The following HAGH variants were observed in gnomAD, a reference collection of about 807,000 sequenced individuals.
The protein encoded by HAGH is hydroxyacylglutathione hydrolase, mitochondrial.
A neutral mutation model predicts 35.1 loss-of-function variants in HAGH; 29 were observed. The ratio of observed to expected loss-of-function variants is 0.83; its 90% CI spans 0.62 to 1.13. The LOEUF is 1.13. Ranked by LOEUF, HAGH falls within the 50% of genes most tolerant of loss-of-function variation. The pLI is 0.00. For missense variants in HAGH, 478 were observed against 419.6 expected, an observed-to-expected ratio of 1.14 and a Z score of -1.22; for synonymous variants, 225 against 176.1, an observed-to-expected ratio of 1.28 and a Z score of -2.20.
chr16:1,825,697 C>T (rs996596194), intron 1 of HAGH, among the ~76,000 whole-genome samples: 2 of 152,172 alleles, frequency 1.3e-5, no homozygotes, highest in Admixed American at 1.3e-4. Context: ...CCTCAGCCTC[C>T]AAAGTGACTG....
At chr16:1,819,627 T>A (rs1346560826) in intron 4 of HAGH, among the ~76,000 whole-genome samples, 1 of 152,198 alleles carries the variant, frequency 6.6e-6, no homozygotes, top group Non-Finnish European at 1.5e-5. Context: ...CCCTCCCACC[T>A]GTGTGCTGTG....
chr16:1,809,546 C>T lies in HAGH; in HGVS notation c.828-164G>A, dbSNP rs1897541586. On this transcript the variant is annotated intron_variant, in intron 8 of 8. Transcript: ENST00000397356. Reference sequence around the variant, plus strand: ...TCCCCTTCTGACAGGTTCTGAACTCCAGGGTCCAGAAGGACTCACACCCCG... The same window carrying T: ...TCCCCTTCTGACAGGTTCTGAACTCTAGGGTCCAGAAGGACTCACACCCCG... 1.0e-5 allele frequency: 7 copies of T among 672,666 alleles called. No homozygotes were observed. The East Asian group carries it at 1.9e-4, about 18-fold the overall frequency. The allele number at this position is 672,666 out of a possible 1,614,324, so 41.7% of individuals were successfully genotyped here.
chr16:1,818,988 C>A (rs1438732559), intron 5 of HAGH, 127 bp downstream of exon 5: 5 of 651,806 alleles, frequency 7.7e-6, no homozygotes, highest in Non-Finnish European at 1.1e-5. Flanking sequence ...CTCCCCAGCA[C>A]CCACCCCTGG....
In HAGH at chr16:1,809,828, C is replaced by T. The variant is rs1187179555; in HGVS notation, c.753G>A (p.Lys251=). The part of the protein sequence containing the change: ...IREKLAWAKE[K]YSIGEPTVPS... Reference sequence around the variant, plus strand: ...GCACTGTGGGCTCCCCGATGCTGTACTTCTCCTGCAAGAGAAACGCACCAC... The same window carrying T: ...GCACTGTGGGCTCCCCGATGCTGTATTTCTCCTGCAAGAGAAACGCACCAC... The change falls in exon 8 of 9, where the codon AAG becomes AAA. Residue 251 remains lysine, a synonymous_variant. Transcript: ENST00000397356. 1.9e-6 allele frequency: 3 copies of T among 1,612,988 alleles called. No homozygotes were observed. The African/African-American group carries it at 4.0e-5, about 22-fold the overall frequency.
Position 1,819,293 on chromosome 16 carries a change from G to A in HAGH, c.433-70C>T, listed in dbSNP as rs1043946548. The A allele has an allele frequency of 1.6e-5, 15 of 965,930 alleles. 1 individual carries two copies. The highest frequency in any genetic ancestry group is 2.4e-4 in the Middle Eastern group (1 of 4,110). 59.8% of individuals were successfully genotyped at this position (965,930 alleles called of 1,614,324 possible). ...GAGCCATCTCCCGGGGTCACGGCGC[G>A]CCGCCTGGGCCCTACTGGGCCTCCT... On this transcript the variant is annotated intron_variant, in intron 4 of 8. Transcript: ENST00000397356.
chr16:1,819,091 C>T (rs1438685631), intron 5 of HAGH, 24 bp downstream of exon 5: 1 of 1,450,586 alleles, frequency 6.9e-7, no homozygotes, highest in South Asian at 1.1e-5. Context: ...GAACCCCCGC[C>T]CCCACCCACA....
At chr16:1,816,754 G>A in intron 7 of HAGH, 139 bp downstream of exon 7, 2 of 649,352 alleles carry the variant, frequency 3.1e-6, no homozygotes, top group Admixed American at 2.3e-5. Context: ...TGCAGGGCGA[G>A]CTGGGCCACA....
rs551962398 is a variant in HAGH at position 1,816,797 on chromosome 16, C to T, written c.747+96G>A. ...GAATCCCAGGCCTGCTCTCTGGGCT[C>T]AGAGTGTGAGTGTCTACCCACTCTG... On this transcript the variant is annotated intron_variant, in intron 7 of 8. Coordinates refer to ENST00000397356, the MANE Select transcript of HAGH (RefSeq NM_005326.6). 33 of 763,084 alleles carry T rather than the reference C, an allele frequency of 4.3e-5. 1 individual carries two copies. In the South Asian group the frequency reaches 4.7e-4, roughly 11 times the overall value. 47.3% of individuals were successfully genotyped at this position (763,084 alleles called of 1,614,324 possible). A position where few individuals can be genotyped will look rare whatever the true frequency, so the allele number is the denominator to read the frequency against.
intron 4 of HAGH, 56 bp downstream of exon 4, chr16:1,819,841 C>A (rs1898067356): frequency 9.3e-7 from 1 of 1,077,484 alleles, no homozygotes; most frequent in Non-Finnish European, 1.4e-6. Flanking sequence ...AGGGACCCCC[C>A]TCCCCCACGC....
chr16:1,811,328 C>T (rs184926684), intron 7 of HAGH, among the ~76,000 whole-genome samples: 5 of 152,278 alleles, frequency 3.3e-5, no homozygotes, highest in African/African-American at 1.2e-4. Flanking sequence ...GCAGGAGAAT[C>T]ACTTGAACCC....
chr16:1,813,922 AG>A (rs1466396726), intron 7 of HAGH, among the ~76,000 whole-genome samples: 2 of 152,308 alleles, frequency 1.3e-5, no homozygotes, highest in East Asian at 3.9e-4. Flanking sequence ...CTTTTCAGAA[AG>A]GTGCCAAGGC....
At chr16:1,814,635 CA>C (rs1166669061) in intron 7 of HAGH, among the ~76,000 whole-genome samples, 1 of 151,996 alleles carries the variant, frequency 6.6e-6, no homozygotes, top group African/African-American at 2.4e-5. Flanking sequence ...CGTGGTGGGT[CA>C]CGCCTGTAAT....
chr16:1,821,415 G>A (rs1404363272), intron 3 of HAGH: 1 of 152,290 alleles, frequency 6.6e-6, no homozygotes, highest in Non-Finnish European at 1.5e-5. Context: ...CCCTAGGGCA[G>A]TGCCAGACGG....
upstream of HAGH, chr16:1,827,169 T>A (rs757654537): frequency 3.6e-5 from 56 of 1,541,068 alleles, no homozygotes; most frequent in Non-Finnish European, 4.8e-5. Flanking sequence ...CAGTTGGTCC[T>A]CTCCGGGATG....
In HAGH at chr16:1,809,330, G is replaced by A. The variant is rs749337193; in HGVS notation, c.880C>T (p.Arg294Trp). Residue 294 changes from arginine to tryptophan, a missense_variant, in exon 9 of 9, where the codon CGG becomes TGG. Arg to Trp is a moderately radical substitution (Grantham distance 101). Transcript: ENST00000397356. ...AGETDPVTTM[R>W]AVRREKDQFK... ...TGGTCCTTCTCCCTGCGCACGGCCC[G>A]CATGGTGGTCACCGGGTCCGTCTCA... 1.9e-5 allele frequency: 31 copies of A among 1,613,452 alleles called. No individual in the cohort carries two copies. Among genetic ancestry groups the A allele is most frequent in the African/African-American group, 8.0e-5 (6 of 74,920 alleles).
rs71145496 is a variant in HAGH, at chr16:1,823,744, TAAAAAAAAAAA to T, written c.77-718_77-708del. On this transcript the variant is annotated intron_variant, in intron 1 of 8. Transcript: ENST00000397356. ...GGTGACAAGACAATAACCTGTTCCTTAAAAAAAAAAAAAAAAAAAAAAAAAAAAAGGAATAT... is the reference window on the plus strand; with the variant it reads ...GGTGACAAGACAATAACCTGTTCCTTAAAAAAAAAAAAAAAAAAGGAATAT... Among the ~76,000 whole-genome samples, 32 of 55,918 alleles carry T rather than the reference TAAAAAAAAAAA, an allele frequency of 5.7e-4. 1 individual carries two copies. In the South Asian group the frequency reaches 7.0e-3, roughly 12 times the overall value. The allele number at this position is 55,918 out of a possible 152,430, so 36.7% of individuals were successfully genotyped here.
chr16:1,812,010 G>C (rs12929489), intron 7 of HAGH, among the ~76,000 whole-genome samples: 103,546 of 151,542 alleles, frequency 0.68, 36,216 homozygotes, highest in Middle Eastern at 0.8. Context: ...AGGCAACATC[G>C]TGTAAACCCC....
At chr16:1,817,970 T>C (rs752581031) in intron 5 of HAGH, among the ~76,000 whole-genome samples, 6 of 152,186 alleles carry the variant, frequency 3.9e-5, no homozygotes, top group Admixed American at 1.3e-4. Context: ...CAGAGAAGCA[T>C]GCAGCGGTGC....
At chr16:1,822,214 G>C (rs932513149) in intron 3 of HAGH, 86 bp downstream of exon 3, 164 of 819,616 alleles carry the variant, frequency 2.0e-4, no homozygotes, top group South Asian at 1.8e-3. Context: ...CAGAGCCGTG[G>C]GGGGAGACAG....
Sources: gnomAD v4.1 joint callset for allele counts (sites outside exome capture counted in the v4.1 genomes callset) on GRCh38, gnomAD v4.1.1 for gene constraint, MANE v1.5 for transcripts, NCBI Gene and HGNC (gene_info 2026-07-23, HGNC 2026-07-21) for gene names.